TMEM135: variants seen among roughly 807,000 people sequenced by gnomAD.
TMEM135 encodes transmembrane protein 135, also known as peroxisomal membrane protein 52.
TMEM135 carries 30 observed loss-of-function variants against 60.3 expected under a neutral mutation model. That is an observed-to-expected ratio of 0.50 (90% CI 0.37 to 0.68). The LOEUF (loss-of-function observed/expected upper bound fraction) is 0.68. TMEM135 is among the 30% of genes least tolerant of loss of function. The pLI is 0.00. For missense variants in TMEM135, 468 were observed against 548.8 expected, an observed-to-expected ratio of 0.85 and a Z score of 1.47; for synonymous variants, 190 against 186.7, an observed-to-expected ratio of 1.02 and a Z score of -0.14.
At chr11:87,279,765 C>T (rs1942027984) in intron 6 of TMEM135, among the ~76,000 whole-genome samples, 1 of 152,212 alleles carries the variant, frequency 6.6e-6, no homozygotes, top group Admixed American at 6.5e-5. Context: ...CATCATTCTT[C>T]CCTGTCCCCA....
Position 87,044,752 on chromosome 11 carries a change from G to C in TMEM135, c.141+6566G>C, listed in dbSNP as rs527916567. Among the ~76,000 whole-genome samples, 222 of 152,076 alleles carry C rather than the reference G, an allele frequency of 1.5e-3. 3 individuals carry two copies. Among genetic ancestry groups the C allele is most frequent in the African/African-American group, 5.2e-3 (216 of 41,434 alleles). ...TGCAAGTTCCACCTCCTGGGGTCACGCCCTTCTCCTGCCTCAGCCTGCCGA... is the reference window on the plus strand; with the variant it reads ...TGCAAGTTCCACCTCCTGGGGTCACCCCCTTCTCCTGCCTCAGCCTGCCGA... On this transcript the variant is annotated intron_variant, in intron 1 of 14. Coordinates refer to ENST00000305494, the MANE Select transcript of TMEM135 (RefSeq NM_022918.4).
chr11:87,260,028 A>G (rs893301352), intron 6 of TMEM135, among the ~76,000 whole-genome samples: 4 of 152,208 alleles, frequency 2.6e-5, no homozygotes, highest in Non-Finnish European at 4.4e-5. Flanking sequence ...GTGACAGCTT[A>G]GGACCTCTGA....
chr11:87,210,097 G>A (rs1419486140), intron 5 of TMEM135, among the ~76,000 whole-genome samples: 3 of 152,038 alleles, frequency 2.0e-5, no homozygotes, highest in South Asian at 4.1e-4. Context: ...ACATAATGTT[G>A]CACCTAGAGG....
intron 5 of TMEM135, among the ~76,000 whole-genome samples, chr11:87,179,678 G>A (rs575496): frequency 0.13 from 20,236 of 152,060 alleles, 1,415 homozygotes; most frequent in Middle Eastern, 0.15. Flanking sequence ...TGAAAAGTCT[G>A]TCTTTGCCCA....
intron 3 of TMEM135, among the ~76,000 whole-genome samples, chr11:87,075,194 T>C (rs1028742997): frequency 2.6e-5 from 4 of 152,126 alleles, no homozygotes; most frequent in African/African-American, 9.7e-5. Context: ...AGTCTCGCTC[T>C]GTCTCCCAGG....
chr11:87,288,431 C>T (rs1254802895), intron 6 of TMEM135, among the ~76,000 whole-genome samples: 1 of 152,130 alleles, frequency 6.6e-6, no homozygotes, highest in East Asian at 1.9e-4. Context: ...AAGTATAATA[C>T]TCTTAGTAGC....
intron 6 of TMEM135, among the ~76,000 whole-genome samples, chr11:87,248,693 A>G (rs1474865135): frequency 6.6e-6 from 1 of 151,910 alleles, no homozygotes; most frequent in East Asian, 1.9e-4. Flanking sequence ...GAATCTGTAG[A>G]TTGCTTTGGG....
chr11:87,177,209 G>A (rs1939393799), intron 5 of TMEM135, among the ~76,000 whole-genome samples: 1 of 152,080 alleles, frequency 6.6e-6, no homozygotes, highest in Non-Finnish European at 1.5e-5. Flanking sequence ...TCCACAAAAT[G>A]TGGACCTAAT....
intron 4 of TMEM135, among the ~76,000 whole-genome samples, chr11:87,152,051 T>A (rs1360843733): frequency 6.6e-6 from 1 of 152,178 alleles, no homozygotes; most frequent in East Asian, 1.9e-4. Context: ...CAGTTCTCAG[T>A]CTTACCTGCA....
intron 5 of TMEM135, among the ~76,000 whole-genome samples, chr11:87,158,163 C>T (rs550187363): frequency 3.1e-3 from 477 of 152,236 alleles, no homozygotes; most frequent in Non-Finnish European, 5.3e-3. Flanking sequence ...TGGCCTCAAG[C>T]GATTATCCTG....
chr11:87,241,856 A>G (rs941302771), intron 6 of TMEM135, among the ~76,000 whole-genome samples: 1 of 151,830 alleles, frequency 6.6e-6, no homozygotes, highest in African/African-American at 2.4e-5. Flanking sequence ...TTTTAAAAAA[A>G]AATTTATTAT....
chr11:87,230,964 G>C (rs1298847402), intron 5 of TMEM135, among the ~76,000 whole-genome samples: 2 of 152,124 alleles, frequency 1.3e-5, no homozygotes, highest in East Asian at 1.9e-4. Context: ...GAAGCAACTT[G>C]ATCAAAAACA....
At chr11:87,124,101 C>T (rs893702329) in intron 4 of TMEM135, among the ~76,000 whole-genome samples, 1 of 152,162 alleles carries the variant, frequency 6.6e-6, no homozygotes, top group Admixed American at 6.5e-5. Flanking sequence ...TTTAGCCCTT[C>T]ATTAGGATGA....
chr11:87,077,581 T>C (rs1028622250), intron 3 of TMEM135, among the ~76,000 whole-genome samples: 6 of 152,266 alleles, frequency 3.9e-5, no homozygotes, highest in African/African-American at 7.2e-5. Context: ...TTTTCTGTTT[T>C]TGTAATAGCT....
intron 2 of TMEM135, among the ~76,000 whole-genome samples, chr11:87,069,284 CAAAAA>C (rs778885228): frequency 1.4e-4 from 9 of 62,550 alleles, no homozygotes; most frequent in Non-Finnish European, 2.1e-4. Context: ...GACTCCGTCT[CAAAAA>C]AAAAAAAAAA....
chr11:87,177,176 C>T (rs186777814), intron 5 of TMEM135, among the ~76,000 whole-genome samples: 122 of 152,194 alleles, frequency 8.0e-4, no homozygotes, highest in Non-Finnish European at 1.3e-3. Context: ...ACCATTGCCT[C>T]GCCCTTTCAT....
At chr11:87,141,394 A>G (rs1486600659) in intron 4 of TMEM135, among the ~76,000 whole-genome samples, 2 of 152,110 alleles carry the variant, frequency 1.3e-5, no homozygotes, top group African/African-American at 4.8e-5. Context: ...GGTTTTTGGT[A>G]GGATACAGAA....
chr11:87,228,237 A>T (rs1486378467), intron 5 of TMEM135, among the ~76,000 whole-genome samples: 1 of 152,132 alleles, frequency 6.6e-6, no homozygotes, highest in East Asian at 1.9e-4. Flanking sequence ...GTGTGCTGGG[A>T]CTATAGCAGA....
intron 5 of TMEM135, among the ~76,000 whole-genome samples, chr11:87,173,272 A>C (rs1466224643): frequency 6.6e-6 from 1 of 152,214 alleles, no homozygotes; most frequent in African/African-American, 2.4e-5. Flanking sequence ...GTAAAATCTA[A>C]TCAAATAAAC....
Sources: allele counts gnomAD v4.1 joint callset (sites outside exome capture counted in the v4.1 genomes callset), GRCh38; gene constraint gnomAD v4.1.1; transcripts MANE v1.5; gene names NCBI Gene and HGNC (gene_info 2026-07-23, HGNC 2026-07-21).